The following LARP4B variants were observed in gnomAD, a reference collection of about 807,000 sequenced individuals.
LARP4B encodes la-related protein 4B.
LARP4B carries 12 observed loss-of-function variants against 89.8 expected under a neutral mutation model. That is an observed-to-expected ratio of 0.13 (90% CI 0.09 to 0.22). The LOEUF (loss-of-function observed/expected upper bound fraction) is 0.22. Ranked by LOEUF, LARP4B falls within the 10% of genes least tolerant of loss-of-function variation. The pLI is 1.00. For synonymous variants in LARP4B, 367 were observed against 363.3 expected, an observed-to-expected ratio of 1.01 and a Z score of -0.12; for missense variants, 757 against 947.7, an observed-to-expected ratio of 0.80 and a Z score of 2.64.
chr10:832,351 T>C (rs1446438072), intron 8 of LARP4B, among the ~76,000 whole-genome samples: 1 of 152,176 alleles, frequency 6.6e-6, no homozygotes, highest in Non-Finnish European at 1.5e-5. Flanking sequence ...CCAGATTTTT[T>C]TTAAAAGACC....
intron 3 of LARP4B, among the ~76,000 whole-genome samples, 179 bp downstream of exon 3, chr10:884,268 T>TA (rs773250414): frequency 7.2e-5 from 11 of 152,212 alleles, no homozygotes; most frequent in Non-Finnish European, 1.3e-4. Flanking sequence ...AGAAAGGACA[T>TA]ACAGTATTGA....
Position 813,677 on chromosome 10 carries a change from A to G in LARP4B, c.1930-464T>C, listed in dbSNP as rs76061599. 5.2e-5 allele frequency among the ~76,000 whole-genome samples: 8 copies of G among 152,390 alleles called. No homozygotes were observed. The East Asian group carries it at 1.5e-3, about 29-fold the overall frequency. On this transcript the variant is annotated intron_variant, in intron 17 of 17. Transcript: ENST00000316157. Reference sequence around the variant, plus strand: ...ATGTTTTGCACATTTCAAACTACAAAGGACTGGAAATATCTAAGAATGATG... The same window carrying G: ...ATGTTTTGCACATTTCAAACTACAAGGGACTGGAAATATCTAAGAATGATG...
chr10:885,733 G>A lies in LARP4B; in HGVS notation c.-12C>T. 1 of 1,611,318 alleles carries A rather than the reference G, an allele frequency of 6.2e-7. No homozygotes were observed. The highest frequency in any genetic ancestry group is 8.5e-7 in the Non-Finnish European group (1 of 1,177,720). Reference sequence around the variant, plus strand: ...TGATCAGAAGTCATGGGCTCCACTGGGAGAAGTGTAATGCTAACCTCAGGA... The same window carrying A: ...TGATCAGAAGTCATGGGCTCCACTGAGAGAAGTGTAATGCTAACCTCAGGA... On this transcript the variant is annotated 5_prime_UTR_variant, in exon 2 of 18. Transcript: ENST00000316157.
chr10:827,194 T>C (rs971221730), intron 11 of LARP4B, among the ~76,000 whole-genome samples: 1 of 151,962 alleles, frequency 6.6e-6, no homozygotes, highest in Non-Finnish European at 1.5e-5. Context: ...GAGAATGGCG[T>C]GAACCCGGGA....
At position 829,609 on chromosome 10, in the gene LARP4B, G is replaced by A. The variant is rs1295937579; in HGVS notation, c.916-15C>T. 2 of 1,612,368 alleles carry A rather than the reference G, an allele frequency of 1.2e-6. No homozygotes were observed. The highest frequency in any genetic ancestry group is 1.7e-6 in the Non-Finnish European group (2 of 1,178,794). On this transcript the variant is annotated splice_polypyrimidine_tract_variant and intron_variant, in intron 10 of 17. Coordinates refer to ENST00000316157, the MANE Select transcript of LARP4B (RefSeq NM_015155.3). Reference sequence around the variant, plus strand: ...TTTATCCGTGCCTGTTTGAAAATATGTAAGTTTCTATTAGAATACTTAAGA... The same window carrying A: ...TTTATCCGTGCCTGTTTGAAAATATATAAGTTTCTATTAGAATACTTAAGA...
intron 3 of LARP4B, among the ~76,000 whole-genome samples, chr10:868,668 C>T (rs1835039414): frequency 6.6e-6 from 1 of 152,194 alleles, no homozygotes; most frequent in Non-Finnish European, 1.5e-5. Flanking sequence ...ACTGTTTTGC[C>T]TCCACAACTA....
chr10:884,785 T>C (rs1011752495), intron 2 of LARP4B, among the ~76,000 whole-genome samples: 11 of 152,180 alleles, frequency 7.2e-5, no homozygotes, highest in African/African-American at 1.2e-4. Context: ...CTGCTTGACA[T>C]AAAATGTTTA....
chr10:908,580 G>A (rs1836564229), intron 1 of LARP4B, among the ~76,000 whole-genome samples: 1 of 152,190 alleles, frequency 6.6e-6, no homozygotes. Flanking sequence ...TGAGACTGAA[G>A]GGGAGGGTGC....
At chr10:947,615 G>A in the LARP4B span, among the ~76,000 whole-genome samples, 1 of 152,084 alleles carries the variant, frequency 6.6e-6, no homozygotes, top group Non-Finnish European at 1.5e-5. Flanking sequence ...AATGAAATGA[G>A]TTTTTTGTTT....
chr10:884,971 CTACT>C (rs1215723664), intron 2 of LARP4B, among the ~76,000 whole-genome samples: 1 of 152,140 alleles, frequency 6.6e-6, no homozygotes, highest in Non-Finnish European at 1.5e-5. Flanking sequence ...TTATCATCTA[CTACT>C]TATAGTTTCC....
the LARP4B span, among the ~76,000 whole-genome samples, chr10:956,102 CCTT>C: frequency 0.23 from 34,528 of 151,966 alleles, 4,212 homozygotes; most frequent in East Asian, 0.31. This position sits in a 1 kb window ranked among gnomAD's most constrained non-coding sequence, Gnocchi z 4.3. Context: ...CAAATGGGCA[CCTT>C]CTTTGCACAG....
intron 1 of LARP4B, among the ~76,000 whole-genome samples, chr10:924,225 A>G (rs1278468970): frequency 1.3e-5 from 2 of 152,168 alleles, no homozygotes; most frequent in African/African-American, 2.4e-5. Context: ...TGGGTGACAC[A>G]AACTGTCTCA....
chr10:946,307 C>A, the LARP4B span, among the ~76,000 whole-genome samples: 1 of 152,066 alleles, frequency 6.6e-6, no homozygotes, highest in Non-Finnish European at 1.5e-5. Context: ...GCCTTTACAC[C>A]CCTTTCCTTC....
At chr10:825,412 T>A in intron 12 of LARP4B, 96 bp from the exon 13 acceptor site, 1 of 1,213,046 alleles carries the variant, frequency 8.2e-7, no homozygotes, top group Non-Finnish European at 1.2e-6. Context: ...TGAAATCTGC[T>A]CTCTGTTTAA....
chr10:968,588 G>GGCTGTTGTCAATAGGATTTTGACA, the LARP4B span, among the ~76,000 whole-genome samples: 1 of 148,866 alleles, frequency 6.7e-6, no homozygotes, highest in Non-Finnish European at 1.5e-5. Flanking sequence ...GACGGAGACT[G>GGCTGTTGTCAATAGGATTTTGACA]ACTCCCACTT....
intron 1 of LARP4B, among the ~76,000 whole-genome samples, chr10:927,089 A>T (rs1285246608): frequency 6.6e-6 from 1 of 152,168 alleles, no homozygotes; most frequent in East Asian, 1.9e-4. Context: ...TCAATATTGC[A>T]ATGTACTCCA....
chr10:931,078 G>T (rs1366832684), intron 1 of LARP4B, among the ~76,000 whole-genome samples: 1 of 148,852 alleles, frequency 6.7e-6, no homozygotes, highest in African/African-American at 2.5e-5. Context: ...GTCGACTCCC[G>T]CCTCGCCTCA....
chr10:833,249 TAAA>T (rs56788542), intron 8 of LARP4B, among the ~76,000 whole-genome samples: 1,364 of 51,952 alleles, frequency 0.026, 30 homozygotes, highest in African/African-American at 0.079. Context: ...TGATGAGCTT[TAAA>T]AAAAAAAAAA....
At chr10:889,604 A>C (rs1468799826) in intron 1 of LARP4B, among the ~76,000 whole-genome samples, 1 of 152,232 alleles carries the variant, frequency 6.6e-6, no homozygotes, top group Non-Finnish European at 1.5e-5. Flanking sequence ...GTGGTTCTTC[A>C]TGAAGCATTT....
Sources: allele counts gnomAD v4.1 joint callset (sites outside exome capture counted in the v4.1 genomes callset), GRCh38; gene constraint gnomAD v4.1.1; non-coding constraint Gnocchi (gnomAD v3.1); transcripts MANE v1.5; gene names NCBI Gene and HGNC (gene_info 2026-07-23, HGNC 2026-07-21).